Variants in ABI3BP observed in about 807,000 individuals in gnomAD.
The protein encoded by ABI3BP is ABI family member 3 binding protein.
In ABI3BP, 216 loss-of-function variants were observed where a neutral mutation model predicts 268.6. That is an observed-to-expected ratio of 0.80 (90% CI 0.72 to 0.90). The LOEUF (loss-of-function observed/expected upper bound fraction) is 0.90. Ranked by LOEUF, ABI3BP falls within the 40% of genes least tolerant of loss-of-function variation. The pLI, the probability that ABI3BP is intolerant of heterozygous loss-of-function variation, is 0.00. For synonymous variants in ABI3BP, 730 were observed against 730.0 expected (o/e 1.00, Z 0.00); for missense variants, 2,090 against 2,182.4 (o/e 0.96, Z 0.84).
At chr3:100,898,347 T>C (rs2153476295) in intron 4 of ABI3BP, among the ~76,000 whole-genome samples, 1 of 152,338 alleles carries the variant, frequency 6.6e-6, no homozygotes, top group Non-Finnish European at 1.5e-5. Context: ...GTTCAAGACA[T>C]GCTGATACTG....
intron 32 of ABI3BP, 24 bp downstream of exon 32, chr3:100,830,554 T>C (rs1177657014): frequency 6.5e-7 from 1 of 1,530,730 alleles, no homozygotes; most frequent in Non-Finnish European, 8.7e-7. Context: ...GAGGCAGATG[T>C]TGATGGACAT....
chr3:100,912,750 C>T (rs1346425118), intron 2 of ABI3BP, among the ~76,000 whole-genome samples: 1 of 152,178 alleles, frequency 6.6e-6, no homozygotes, highest in East Asian at 1.9e-4. Flanking sequence ...GTAACGTATA[C>T]CTGAAAAACA....
At chr3:100,857,599 C>T (rs1057107092) in intron 14 of ABI3BP, among the ~76,000 whole-genome samples, 38 of 152,142 alleles carry the variant, frequency 2.5e-4, no homozygotes, top group African/African-American at 8.2e-4. Flanking sequence ...CACATGGCCC[C>T]AGTAATAACA....
At chr3:100,888,866 G>A (rs766129076) in intron 4 of ABI3BP, among the ~76,000 whole-genome samples, 1 of 148,044 alleles carries the variant, frequency 6.8e-6, no homozygotes, top group African/African-American at 2.5e-5. Context: ...TATACTTAAA[G>A]TGGTGAAGTA....
intron 64 of ABI3BP, among the ~76,000 whole-genome samples, chr3:100,754,367 G>C (rs1230795290): frequency 2.0e-5 from 3 of 152,134 alleles, no homozygotes; most frequent in African/African-American, 7.2e-5. Flanking sequence ...AGGATTCATT[G>C]ACTAGCTTTT....
At chr3:100,828,106 G>A (rs2098421093) in intron 34 of ABI3BP, among the ~76,000 whole-genome samples, 1 of 152,058 alleles carries the variant, frequency 6.6e-6, no homozygotes, top group Non-Finnish European at 1.5e-5. Flanking sequence ...GTTACAGCCT[G>A]GTTAGCGTAG....
At chr3:100,978,920 G>T (rs2087721077) in intron 1 of ABI3BP, among the ~76,000 whole-genome samples, 1 of 152,200 alleles carries the variant, frequency 6.6e-6, no homozygotes, top group South Asian at 2.1e-4. Context: ...TATAGTAAGG[G>T]TGGGAGGAGT....
At chr3:100,912,110 C>T (rs2056757448) in intron 2 of ABI3BP, 3 of 600,334 alleles carry the variant, frequency 5.0e-6, no homozygotes, top group Non-Finnish European at 6.1e-6. Context: ...GTGTCCCAGA[C>T]AGTGCTGGGG....
rs1318934258 is a variant in ABI3BP at position 100,794,931 on chromosome 3, G to A, written c.3938C>T (p.Thr1313Ile). 1 of 1,566,746 alleles carries A rather than the reference G, an allele frequency of 6.4e-7. No individual in the cohort carries two copies. Among genetic ancestry groups the A allele is most frequent in the Non-Finnish European group, 8.7e-7 (1 of 1,154,632 alleles). ...ATTAAAACGAAATTTACCCAGAGTG[G>A]TCTGTAGTTCCTCTTGACTAGGACT... ...SPSPSQEELQTTLEETDQSTQ... is the reference protein window; with the variant it reads ...SPSPSQEELQITLEETDQSTQ... Residue 1313 changes from threonine (T) to isoleucine (I), a missense_variant, in exon 54 of 68, where the codon ACC becomes ATC. Coordinates refer to ENST00000471714, the MANE Select transcript of ABI3BP (RefSeq NM_001375547.2).
chr3:100,847,554 C>A, intron 19 of ABI3BP, 48 bp downstream of exon 19: 1 of 1,499,660 alleles, frequency 6.7e-7, no homozygotes, highest in Non-Finnish European at 9.3e-7. Flanking sequence ...ACTGGATTTT[C>A]CATGGTGAAA....
chr3:100,861,165 A>C (rs973263338), intron 14 of ABI3BP, among the ~76,000 whole-genome samples: 1 of 152,188 alleles, frequency 6.6e-6, no homozygotes, highest in East Asian at 1.9e-4. Context: ...ATAAGCGAAC[A>C]AGCATGGCCA....
chr3:100,770,681 A>C, intron 62 of ABI3BP, 62 bp downstream of exon 62: 1 of 1,369,026 alleles, frequency 7.3e-7, no homozygotes, highest in South Asian at 2.1e-5. Flanking sequence ...AGGGTACCCC[A>C]CTCCCAGGGT....
chr3:100,829,746 G>GGA, intron 32 of ABI3BP, 82 bp from the exon 33 acceptor site: 2 of 1,094,680 alleles, frequency 1.8e-6, no homozygotes, highest in African/African-American at 1.6e-5. Context: ...ATAATTTCTT[G>GGA]ACTTCCAAGA....
At chr3:100,793,641 ATT>A (rs1426568072) in intron 54 of ABI3BP, among the ~76,000 whole-genome samples, 1 of 152,046 alleles carries the variant, frequency 6.6e-6, no homozygotes, top group Admixed American at 6.6e-5. Flanking sequence ...TGAATATTTG[ATT>A]AGAATATATT....
chr3:100,840,705 A>T, intron 22 of ABI3BP, 115 bp downstream of exon 22: 8 of 777,264 alleles, frequency 1.0e-5, no homozygotes, highest in Non-Finnish European at 1.5e-5. Context: ...CAGAGCACTC[A>T]CACACACACA....
chr3:100,976,490 T>A (rs2086277672), intron 1 of ABI3BP, among the ~76,000 whole-genome samples: 1 of 152,216 alleles, frequency 6.6e-6, no homozygotes, highest in Non-Finnish European at 1.5e-5. Flanking sequence ...CATTGTAGTA[T>A]CCTGTTTGGT....
intron 1 of ABI3BP, among the ~76,000 whole-genome samples, chr3:100,961,909 A>G (rs1373666617): frequency 1.3e-5 from 2 of 152,006 alleles, no homozygotes; most frequent in South Asian, 2.1e-4. Flanking sequence ...TTCTTGCCAA[A>G]CCTCCAAACG....
chr3:100,829,532 C>T (rs1258082624), intron 33 of ABI3BP, 49 bp downstream of exon 33: 1 of 1,473,134 alleles, frequency 6.8e-7, no homozygotes, highest in African/African-American at 1.4e-5. Flanking sequence ...TCTTTGGGTC[C>T]CACTGGGGTG....
intron 32 of ABI3BP, 92 bp from the exon 33 acceptor site, chr3:100,829,756 A>C: frequency 9.8e-7 from 1 of 1,024,208 alleles, no homozygotes; most frequent in African/African-American, 1.6e-5. Context: ...GACTTCCAAG[A>C]AATGTTTCTT....
Sources: allele counts gnomAD v4.1 joint callset (sites outside exome capture counted in the v4.1 genomes callset), GRCh38; gene constraint gnomAD v4.1.1; transcripts MANE v1.5; gene names NCBI Gene and HGNC (gene_info 2026-07-23, HGNC 2026-07-21).